TENM3: variants seen among roughly 807,000 people sequenced by gnomAD.
TENM3 encodes teneurin transmembrane protein 3, also known as teneurin-3.
In TENM3, 63 loss-of-function variants were observed where a neutral mutation model predicts 255.1. That is an observed-to-expected ratio of 0.25 (90% confidence interval 0.20 to 0.30). The LOEUF (loss-of-function observed/expected upper bound fraction) is 0.30, where lower values mean the gene tolerates loss of function less well. Among genes scored for constraint, TENM3 ranks in the 10% least tolerant of loss-of-function variants. TENM3 has a pLI of 1.00. For synonymous variants in TENM3, 1,306 were observed against 1,322.3 expected (o/e 0.99, Z 0.27); for missense variants, 2,929 against 3,461.1 (o/e 0.85, Z 3.86).
the TENM3 span, among the ~76,000 whole-genome samples, chr4:181,817,691 C>G: frequency 6.6e-6 from 1 of 152,130 alleles, no homozygotes; most frequent in African/African-American, 2.4e-5. Flanking sequence ...GGGAGCTCAT[C>G]CTTTTTTTGC....
At chr4:181,663,166 G>A in the TENM3 span, among the ~76,000 whole-genome samples, 1 of 152,094 alleles carries the variant, frequency 6.6e-6, no homozygotes, top group Admixed American at 6.5e-5. Flanking sequence ...AGTTCAACAA[G>A]GGGTCTGCTT....
chr4:182,481,673 T>TAGTC (rs1734219794), intron 3 of TENM3, among the ~76,000 whole-genome samples: 1 of 152,076 alleles, frequency 6.6e-6, no homozygotes, highest in Non-Finnish European at 1.5e-5. Flanking sequence ...TGTGCACCTG[T>TAGTC]AGTCCCAGCT....
intron 2 of TENM3, among the ~76,000 whole-genome samples, chr4:182,336,007 C>T (rs1383089433): frequency 6.6e-6 from 1 of 152,220 alleles, no homozygotes; most frequent in East Asian, 1.9e-4. Flanking sequence ...TCCTGGCATC[C>T]TTCATTGAGC....
At chr4:182,027,292 T>C in the TENM3 span, among the ~76,000 whole-genome samples, 1 of 152,204 alleles carries the variant, frequency 6.6e-6, no homozygotes, top group African/African-American at 2.4e-5. Context: ...CGTTGGCATA[T>C]AGAAGTGCTA....
At chr4:181,902,187 C>CG in the TENM3 span, among the ~76,000 whole-genome samples, 1 of 144,042 alleles carries the variant, frequency 6.9e-6, no homozygotes, top group Admixed American at 6.9e-5. Context: ...TTAAAAGAGC[C>CG]AAAAAAAAAA....
At position 182,630,062 on chromosome 4, in the gene TENM3, T is replaced by C; in HGVS notation, c.988+1173T>C. Among the ~76,000 whole-genome samples, 2 of 152,198 alleles carry C rather than the reference T, an allele frequency of 1.3e-5. 1 individual carries two copies. ...TCTCCTTAACCCGATTACATGCTGC[T>C]TATCTTCATCAGAGTGCTTCATACA... On this transcript the variant is annotated intron_variant, in intron 5 of 27. Coordinates refer to ENST00000511685, the MANE Select transcript of TENM3 (RefSeq NM_001080477.4).
the TENM3 span, among the ~76,000 whole-genome samples, chr4:181,847,603 G>A: frequency 3.3e-5 from 5 of 151,712 alleles, no homozygotes; most frequent in South Asian, 2.1e-4. Context: ...ATGTATGATT[G>A]ATAAAACATC....
chr4:181,679,621 T>C, the TENM3 span, among the ~76,000 whole-genome samples: 1 of 152,156 alleles, frequency 6.6e-6, no homozygotes, highest in African/African-American at 2.4e-5. Flanking sequence ...CAGGACTAGA[T>C]TATTCTGAAA....
the TENM3 span, among the ~76,000 whole-genome samples, chr4:181,613,263 A>G: frequency 6.6e-6 from 1 of 152,206 alleles, no homozygotes; most frequent in Non-Finnish European, 1.5e-5. Flanking sequence ...TTTGCAACTC[A>G]GTGTTTTAAA....
At chr4:182,586,157 T>C (rs975720814) in intron 3 of TENM3, among the ~76,000 whole-genome samples, 15 of 151,998 alleles carry the variant, frequency 9.9e-5, no homozygotes, top group Non-Finnish European at 1.5e-5. Flanking sequence ...CTCAGGATGG[T>C]GAGGTGGGAG....
upstream of TENM3, among the ~76,000 whole-genome samples, chr4:182,241,514 C>CTTTCT (rs1554036902): frequency 0.026 from 2,648 of 102,578 alleles, 125 homozygotes; most frequent in African/African-American, 0.12. Context: ...TTTCTTTTTT[C>CTTTCT]TTTCTTTTTT....
At chr4:182,372,851 C>T (rs1487628371) in intron 3 of TENM3, among the ~76,000 whole-genome samples, 1 of 152,186 alleles carries the variant, frequency 6.6e-6, no homozygotes, top group Non-Finnish European at 1.5e-5. Context: ...ACCTCAGCCT[C>T]CTGAGTAGCT....
intron 1 of TENM3, among the ~76,000 whole-genome samples, chr4:182,261,699 C>T (rs914886745): frequency 3.3e-5 from 5 of 152,230 alleles, no homozygotes; most frequent in South Asian, 2.1e-4. Flanking sequence ...TCGGGGCATT[C>T]CCTACCAAGA....
chr4:182,355,702 C>T (rs1474172634), intron 3 of TENM3, among the ~76,000 whole-genome samples: 1 of 152,012 alleles, frequency 6.6e-6, no homozygotes, highest in Non-Finnish European at 1.5e-5. Context: ...TAAGTAGAAT[C>T]AAGATTTGAT....
chr4:181,919,072 T>C, the TENM3 span, among the ~76,000 whole-genome samples: 2 of 152,114 alleles, frequency 1.3e-5, no homozygotes, highest in Non-Finnish European at 1.5e-5. Context: ...GAAACAGACA[T>C]TGAAGACTGA....
intron 3 of TENM3, among the ~76,000 whole-genome samples, chr4:182,469,823 T>G (rs1732950532): frequency 6.6e-6 from 1 of 152,214 alleles, no homozygotes; most frequent in South Asian, 2.1e-4. Context: ...TTAGAGAAAT[T>G]CAAGTAGCTT....
At chr4:182,090,080 T>C in the TENM3 span, among the ~76,000 whole-genome samples, 9 of 152,242 alleles carry the variant, frequency 5.9e-5, no homozygotes, top group African/African-American at 2.2e-4. Context: ...TATCTGAAAT[T>C]ATTTATTTGA....
intron 4 of TENM3, among the ~76,000 whole-genome samples, chr4:182,616,227 A>G (rs1410856772): frequency 6.6e-6 from 1 of 152,088 alleles, no homozygotes; most frequent in African/African-American, 2.4e-5. Context: ...TTTCGTGTAA[A>G]AGATAGGTAA....
intron 1 of TENM3, among the ~76,000 whole-genome samples, chr4:182,196,563 A>G (rs1227792186): frequency 6.6e-6 from 1 of 151,986 alleles, no homozygotes; most frequent in Non-Finnish European, 1.5e-5. Context: ...TCTTGTTTTC[A>G]CCGTCATTGC....
Sources: allele counts gnomAD v4.1 joint callset (sites outside exome capture counted in the v4.1 genomes callset), GRCh38; gene constraint gnomAD v4.1.1; transcripts MANE v1.5; gene names NCBI Gene and HGNC (gene_info 2026-07-23, HGNC 2026-07-21).